The following COL6A2 variants were observed in gnomAD, a reference collection of about 807,000 sequenced individuals.
COL6A2 encodes the protein collagen alpha-2(VI) chain.
In COL6A2, 90 loss-of-function variants were observed where a neutral mutation model predicts 124.9. The observed-to-expected ratio is 0.72, with a 90% CI of 0.61 to 0.86. The LOEUF (loss-of-function observed/expected upper bound fraction) is 0.86, where lower values mean the gene tolerates loss of function less well. COL6A2 is among the 40% of genes least tolerant of loss of function. COL6A2 has a pLI of 0.00. For missense variants in COL6A2, 1,607 were observed against 1,502.5 expected (o/e 1.07, Z -1.15); for synonymous variants, 793 against 618.2 (o/e 1.28, Z -4.19).
At chr21:46,102,225 AT>A (rs1422290508) in intron 1 of COL6A2, among the ~76,000 whole-genome samples, 1 of 152,086 alleles carries the variant, frequency 6.6e-6, no homozygotes, top group Non-Finnish European at 1.5e-5. Flanking sequence ...AATACAAGTG[AT>A]TTTTATGTGT....
intron 27 of COL6A2, among the ~76,000 whole-genome samples, chr21:46,127,044 C>T (rs562696206): frequency 3.8e-4 from 58 of 152,290 alleles, no homozygotes; most frequent in South Asian, 1.4e-3. Context: ...GCCCATGTCC[C>T]GGATGTGGCC....
At chr21:46,107,903 C>T (rs1218661274) in intron 1 of COL6A2, among the ~76,000 whole-genome samples, 2 of 152,162 alleles carry the variant, frequency 1.3e-5, no homozygotes, top group East Asian at 3.8e-4. Flanking sequence ...ACCTTGGGTA[C>T]ATGTTCTCAG....
chr21:46,132,533 T>TC lies in COL6A2; in HGVS notation c.3042dup (p.Ile1015HisfsTer18), dbSNP rs1269707700. 6.2e-7 allele frequency: 1 copy of TC among 1,605,098 alleles called. No individual in the cohort carries two copies. Among genetic ancestry groups the TC allele is most frequent in the Non-Finnish European group, 8.5e-7 (1 of 1,179,218 alleles). On this transcript the variant is annotated frameshift_variant, in exon 28 of 28. Transcript: ENST00000300527. LOFTEE classifies it high-confidence loss of function. Reference sequence around the variant, plus strand: ...GCGCAACCCGGCTTCTTCGACCGCTTCATCCGCTGGATCTGCTAGCGCCGC... The same window carrying TC: ...GCGCAACCCGGCTTCTTCGACCGCTTCCATCCGCTGGATCTGCTAGCGCCGC...
rs1286760079 is a variant in COL6A2, at chr21:46,119,821, C to T, written c.1303C>T (p.Pro435Ser). The T allele has an allele frequency of 2.6e-6, 4 of 1,564,156 alleles. No homozygotes were observed. Among genetic ancestry groups the T allele is most frequent in the South Asian group, 2.3e-5 (2 of 85,116 alleles). ...GGGAGACCCCGGCACCAAGGGCAGCCCAGGCAGCGATGGCCCCAAGGGGGA... is the reference window on the plus strand; with the variant it reads ...GGGAGACCCCGGCACCAAGGGCAGCTCAGGCAGCGATGGCCCCAAGGGGGA... ...RRGDPGTKGSPGSDGPKGEKG... is the reference protein window; with the variant it reads ...RRGDPGTKGSSGSDGPKGEKG... The change falls in exon 15 of 28, where the codon CCA (proline) becomes TCA (serine). Residue 435 changes from proline to serine, a missense_variant. By Grantham distance (74) the Pro-to-Ser change is moderately conservative. Transcript: ENST00000300527.
At chr21:46,100,906 A>G (rs2078281988) in intron 1 of COL6A2, among the ~76,000 whole-genome samples, 1 of 152,154 alleles carries the variant, frequency 6.6e-6, no homozygotes, top group African/African-American at 2.4e-5. Context: ...ACTTCTTTTG[A>G]GTATGTTCCC....
chr21:46,127,030 G>A (rs532341852), intron 27 of COL6A2, among the ~76,000 whole-genome samples: 3 of 152,330 alleles, frequency 2.0e-5, no homozygotes, highest in African/African-American at 7.2e-5. Flanking sequence ...CTGGGAGTGG[G>A]GGAGCCCATG....
intron 5 of COL6A2, 35 bp from the exon 6 acceptor site, chr21:46,115,837 A>C (rs1601224767): frequency 2.5e-6 from 4 of 1,608,974 alleles, no homozygotes; most frequent in Non-Finnish European, 3.4e-6. Flanking sequence ...CGCCCACCCT[A>C]CCCTGCCTCG....
chr21:46,115,112 T>C (rs2078452687), intron 5 of COL6A2, among the ~76,000 whole-genome samples: 1 of 152,254 alleles, frequency 6.6e-6, no homozygotes, highest in South Asian at 2.1e-4. Flanking sequence ...AATTTGCCAC[T>C]TGGGGCAGCC....
intron 15 of COL6A2, 44 bp downstream of exon 15, chr21:46,119,894 C>T (rs1403630236): frequency 6.6e-7 from 1 of 1,523,956 alleles, no homozygotes; most frequent in South Asian, 1.2e-5. Flanking sequence ...ACTGTGGTGC[C>T]CATGGGCCCT....
chr21:46,118,714 C>T lies in COL6A2; in HGVS notation c.1179+38C>T, dbSNP rs764494638. ...GCCTCTTCGCCTGCAGCTGAGCTGGCCACACTCACGCCCATGGCCCAGATG... is the reference window on the plus strand; with the variant it reads ...GCCTCTTCGCCTGCAGCTGAGCTGGTCACACTCACGCCCATGGCCCAGATG... On this transcript the variant is annotated intron_variant, in intron 13 of 27. Coordinates refer to ENST00000300527, the MANE Select transcript of COL6A2 (RefSeq NM_001849.4). 22 of 1,586,866 alleles carry T rather than the reference C, an allele frequency of 1.4e-5. No individual in the cohort carries two copies. In the South Asian group the frequency reaches 2.4e-4, roughly 17 times the overall value.
rs768497480 is a variant in COL6A2, at chr21:46,132,318, G to A, written c.2826G>A (p.Leu942=). 3.7e-6 allele frequency: 6 copies of A among 1,607,232 alleles called. No individual in the cohort carries two copies. The African/African-American group carries it at 6.7e-5, about 18-fold the overall frequency. Residue 942 remains leucine, a synonymous_variant, in exon 28 of 28, where the codon CTG becomes CTA. Transcript: ENST00000300527. Reference sequence around the variant, plus strand: ...GCGGGGCCCGGAGGCACGCAGAGCTGTCCTTCGTGTTCCTCACGGACGGCG... The same window carrying A: ...GCGGGGCCCGGAGGCACGCAGAGCTATCCTTCGTGTTCCTCACGGACGGCG... The part of the protein sequence containing the change: ...PRGGARRHAE[L]SFVFLTDGVT...
chr21:46,105,818 A>T (rs2078330051), intron 1 of COL6A2, among the ~76,000 whole-genome samples: 1 of 152,226 alleles, frequency 6.6e-6, no homozygotes, highest in African/African-American at 2.4e-5. Context: ...AAGGACAAAA[A>T]AATCCATAAG....
At chr21:46,128,021 G>T (rs560470319) in intron 27 of COL6A2, among the ~76,000 whole-genome samples, 1 of 152,178 alleles carries the variant, frequency 6.6e-6, no homozygotes, top group Admixed American at 6.5e-5. Flanking sequence ...GCTTATCGGC[G>T]ACATCAGCCT....
chr21:46,117,802 C>A (rs985960983), intron 11 of COL6A2, 72 bp from the exon 12 acceptor site: 16 of 1,480,944 alleles, frequency 1.1e-5, no homozygotes, highest in Middle Eastern at 2.0e-4. Context: ...GACAATGGAG[C>A]ACTTGGGCCC....
At chr21:46,108,523 T>G (rs1205895503) in intron 1 of COL6A2, among the ~76,000 whole-genome samples, 1 of 152,244 alleles carries the variant, frequency 6.6e-6, no homozygotes, top group Non-Finnish European at 1.5e-5. Flanking sequence ...TGATTTGAAA[T>G]GTATATCCTT....
rs759388890 is a variant in COL6A2 at position 46,112,535 on chromosome 21, C to T, written c.672C>T (p.Thr224=). ...ACGCCACCATGCTGCCCGACTCCAC[C>T]GAGATCGACCAGGACACCATCAACC... is the stretch of plus-strand genomic sequence containing the variant. ...NDYATMLPDS[T]EIDQDTINRI... Residue 224 remains threonine, a synonymous_variant, in exon 3 of 28, where the codon ACC becomes ACT. Transcript: ENST00000300527. 91 of 1,612,050 alleles carry T rather than the reference C, an allele frequency of 5.6e-5. 3 individuals carry two copies. The South Asian group carries it at 6.4e-4, about 11-fold the overall frequency.
At position 46,129,712 on chromosome 21, in the gene COL6A2, T is replaced by A. The variant is rs567634366; in HGVS notation, c.2462-2242T>A. On this transcript the variant is annotated intron_variant, in intron 27 of 27. Coordinates refer to ENST00000300527, the MANE Select transcript of COL6A2 (RefSeq NM_001849.4). ...GCATCTTCCAGTCTCTCCTCCGTCT[T>A]CCTGTGGCCGCTCTCTTTATAAGAA... The A allele has an allele frequency of 1.1e-5, 16 of 1,408,532 alleles. No homozygotes were observed. In the East Asian group the frequency reaches 3.1e-4, roughly 27 times the overall value. The allele number at this position is 1,408,532 out of a possible 1,614,324, so 87.3% of individuals were successfully genotyped here.
intron 27 of COL6A2, among the ~76,000 whole-genome samples, chr21:46,130,901 C>T (rs115648692): frequency 0.018 from 2,681 of 152,288 alleles, 81 homozygotes; most frequent in African/African-American, 0.061. Flanking sequence ...CGTGCTCAGA[C>T]GGCGTCCATG....
intron 16 of COL6A2, among the ~76,000 whole-genome samples, 186 bp downstream of exon 16, chr21:46,120,763 G>C (rs899179100): frequency 6.6e-6 from 1 of 151,782 alleles, no homozygotes; most frequent in Non-Finnish European, 1.5e-5. Flanking sequence ...GGCGGGTGCT[G>C]CACCCCAAGG....
Sources: gnomAD v4.1 joint callset for allele counts (sites outside exome capture counted in the v4.1 genomes callset) on GRCh38, gnomAD v4.1.1 for gene constraint, MANE v1.5 for transcripts, NCBI Gene and HGNC (gene_info 2026-07-23, HGNC 2026-07-21) for gene names.